Variants in RIPOR2 observed in about 807,000 individuals in gnomAD.
The protein encoded by RIPOR2 is rho family-interacting cell polarization regulator 2.
A neutral mutation model predicts 114.5 loss-of-function variants in RIPOR2; 39 were observed. The observed-to-expected ratio is 0.34, with a 90% CI of 0.26 to 0.44. The LOEUF (loss-of-function observed/expected upper bound fraction) is 0.44. Among genes scored for constraint, RIPOR2 ranks in the 20% least tolerant of loss-of-function variants. The pLI is 1.00. For missense variants in RIPOR2, 1,007 were observed against 1,255.1 expected, an observed-to-expected ratio of 0.80 and a Z score of 2.99; for synonymous variants, 445 against 484.4, an observed-to-expected ratio of 0.92 and a Z score of 1.07.
intron 1 of RIPOR2, among the ~76,000 whole-genome samples, chr6:24,912,625 A>C (rs1430090643): frequency 6.6e-6 from 1 of 152,216 alleles, no homozygotes; most frequent in Non-Finnish European, 1.5e-5. Flanking sequence ...ACCTGGAAAG[A>C]AGTACAAATA....
At chr6:24,846,590 G>A (rs968706817) in intron 12 of RIPOR2, among the ~76,000 whole-genome samples, 6 of 152,074 alleles carry the variant, frequency 3.9e-5, no homozygotes, top group African/African-American at 2.4e-5. Context: ...ATAGGTGTGA[G>A]CTACCATGTT....
chr6:24,835,471 C>T (rs1314442436), intron 15 of RIPOR2, among the ~76,000 whole-genome samples: 1 of 152,000 alleles, frequency 6.6e-6, no homozygotes, highest in Non-Finnish European at 1.5e-5. Flanking sequence ...GAGAGCTAAC[C>T]ATATGCCACC....
chr6:24,941,759 T>A (rs1208408716), intron 1 of RIPOR2, among the ~76,000 whole-genome samples: 1 of 152,154 alleles, frequency 6.6e-6, no homozygotes, highest in African/African-American at 2.4e-5. Flanking sequence ...GAGATGGGAA[T>A]CCTTTCCTGT....
intron 1 of RIPOR2, among the ~76,000 whole-genome samples, chr6:24,886,550 T>G (rs577923948): frequency 6.6e-6 from 1 of 152,368 alleles, no homozygotes; most frequent in Admixed American, 6.5e-5. Context: ...ATTGACATTT[T>G]AATGGAATTC....
intron 10 of RIPOR2, 71 bp downstream of exon 10, chr6:24,850,526 G>A: frequency 6.3e-7 from 1 of 1,580,288 alleles, no homozygotes; most frequent in Admixed American, 1.7e-5. Flanking sequence ...AGGGGTCACG[G>A]GTAAGGGCCC....
chr6:24,857,998 G>A (rs1763652630), intron 8 of RIPOR2, among the ~76,000 whole-genome samples: 1 of 152,122 alleles, frequency 6.6e-6, no homozygotes, highest in Admixed American at 6.6e-5. Flanking sequence ...CCTCTGTTTG[G>A]TGAATGCTAT....
intron 1 of RIPOR2, among the ~76,000 whole-genome samples, chr6:24,925,226 G>A (rs915829372): frequency 3.9e-5 from 6 of 152,194 alleles, no homozygotes; most frequent in African/African-American, 1.4e-4. Context: ...AGTGTTACCT[G>A]GTGGGTCATA....
intron 11 of RIPOR2, among the ~76,000 whole-genome samples, chr6:24,849,233 T>C (rs936501915): frequency 1.2e-4 from 18 of 152,200 alleles, no homozygotes; most frequent in South Asian, 4.1e-4. Flanking sequence ...TATCATGACC[T>C]TTCTCACCGG....
rs772795601 is a variant in RIPOR2 at position 24,875,724 on chromosome 6, G to A, written c.155C>T (p.Ala52Val). Residue 52 changes from alanine to valine, a missense_variant, in exon 2 of 22, where the codon GCG becomes GTG. Coordinates refer to ENST00000643898, the MANE Select transcript of RIPOR2 (RefSeq NM_001286445.3). ...CCTTTCCTGGAGGCCGCTGAAACCC[G>A]CAAAGGACTGGCTTCTAATGATCCC... ...PNGIIRSQSF[A>V]GFSGLQERRS... 3.7e-6 allele frequency: 6 copies of A among 1,613,438 alleles called. No homozygotes were observed. Among genetic ancestry groups the A allele is most frequent in the African/African-American group, 1.3e-5 (1 of 74,994 alleles).
chr6:24,847,471 A>T, intron 12 of RIPOR2: 1 of 1,457,694 alleles, frequency 6.9e-7, no homozygotes, highest in Non-Finnish European at 9.4e-7. Flanking sequence ...ATAAAACAAG[A>T]GACATGCTAA....
At chr6:24,970,992 A>G (rs960548914) in intron 1 of RIPOR2, among the ~76,000 whole-genome samples, 3 of 152,172 alleles carry the variant, frequency 2.0e-5, no homozygotes, top group African/African-American at 7.2e-5. Flanking sequence ...AAATGAGATA[A>G]TCATCATGTA....
intron 1 of RIPOR2, among the ~76,000 whole-genome samples, chr6:24,925,480 G>A (rs1196960427): frequency 6.6e-6 from 1 of 152,074 alleles, no homozygotes; most frequent in Non-Finnish European, 1.5e-5. Context: ...GAGGTGGGTG[G>A]ATCAGGAGGT....
At chr6:24,917,207 C>T (rs1399325740) in intron 1 of RIPOR2, among the ~76,000 whole-genome samples, 1 of 151,964 alleles carries the variant, frequency 6.6e-6, no homozygotes, top group African/African-American at 2.4e-5. Flanking sequence ...GTCCCAAGAC[C>T]ATTTTATGCT....
In RIPOR2 at chr6:24,858,463, T is replaced by G. The variant is rs143168531; in HGVS notation, c.715+2510A>C. Among the ~76,000 whole-genome samples, 104 of 152,274 alleles carry G rather than the reference T, an allele frequency of 6.8e-4. 1 individual carries two copies. In the East Asian group the frequency reaches 0.019, roughly 28 times the overall value. On this transcript the variant is annotated intron_variant, in intron 8 of 21. Transcript: ENST00000643898. The surrounding 1 kb of genome is among the most constrained non-coding windows in gnomAD (Gnocchi z 4.0). ...ATGTTGGAAGTAGTTTTTACCAGAATGAGTAACAGATGAGAAAGCAGCTAA... is the reference window on the plus strand; with the variant it reads ...ATGTTGGAAGTAGTTTTTACCAGAAGGAGTAACAGATGAGAAAGCAGCTAA...
rs1777291426 is a variant in RIPOR2 at position 25,037,231 on chromosome 6, T to C, written c.76+4620A>G. Among the ~76,000 whole-genome samples, 1 of 152,200 alleles carries C rather than the reference T, an allele frequency of 6.6e-6. No individual in the cohort carries two copies. The highest frequency in any genetic ancestry group is 1.5e-5 in the Non-Finnish European group (1 of 68,038). ...CCACAGGCCAACAGCTAAGAAGTTGTAGAAGCAGGATTTGAAGCCAAATCT... is the reference window on the plus strand; with the variant it reads ...CCACAGGCCAACAGCTAAGAAGTTGCAGAAGCAGGATTTGAAGCCAAATCT... On this transcript the variant is annotated intron_variant, in intron 1 of 13. Transcript: ENST00000510784. The surrounding 1 kb of genome is among the most constrained non-coding windows in gnomAD (Gnocchi z 4.5).
intron 1 of RIPOR2, among the ~76,000 whole-genome samples, chr6:24,932,172 GA>G (rs1325732742): frequency 6.6e-6 from 1 of 152,144 alleles, no homozygotes; most frequent in East Asian, 1.9e-4. Flanking sequence ...AGAACAATGG[GA>G]AAAGAGTCTG....
chr6:24,872,290 G>C (rs563793491), intron 4 of RIPOR2, among the ~76,000 whole-genome samples: 3 of 152,290 alleles, frequency 2.0e-5, no homozygotes, highest in Admixed American at 1.3e-4. Flanking sequence ...TTACTCCTTT[G>C]AGCCTCTTTT....
At chr6:24,927,120 T>C (rs1173243788) in intron 1 of RIPOR2, among the ~76,000 whole-genome samples, 3,742 of 4,566 alleles carry the variant, frequency 0.82, 1,855 homozygotes, top group East Asian at 0.87. Context: ...ATGATTATTA[T>C]AATCATCATC....
intron 1 of RIPOR2, among the ~76,000 whole-genome samples, chr6:24,991,496 C>T (rs1031264051): frequency 1.3e-5 from 2 of 152,162 alleles, no homozygotes; most frequent in Non-Finnish European, 2.9e-5. Context: ...ATTCTGGAAA[C>T]CTCAACCAGC....
Sources: allele counts gnomAD v4.1 joint callset (sites outside exome capture counted in the v4.1 genomes callset), GRCh38; gene constraint gnomAD v4.1.1; non-coding constraint Gnocchi (gnomAD v3.1); transcripts MANE v1.5; gene names NCBI Gene and HGNC (gene_info 2026-07-23, HGNC 2026-07-21).